The following NEDD4L variants were observed in gnomAD, a reference collection of about 807,000 sequenced individuals.
NEDD4L encodes NEDD4 like E3 ubiquitin protein ligase.
Under a neutral mutation model 148.9 loss-of-function variants are expected in NEDD4L, and 54 were observed. The ratio of observed to expected loss-of-function variants is 0.36; its 90% confidence interval spans 0.29 to 0.45. The LOEUF is 0.45. NEDD4L is among the 20% of genes least tolerant of loss of function. NEDD4L has a pLI of 1.00. For missense variants in NEDD4L, 856 were observed against 1,233.8 expected (o/e 0.69, Z 4.59); for synonymous variants, 433 against 440.7 (o/e 0.98, Z 0.22).
chr18:58,099,875 A>G (rs997052220), intron 1 of NEDD4L, among the ~76,000 whole-genome samples: 2 of 152,184 alleles, frequency 1.3e-5, no homozygotes, highest in Non-Finnish European at 2.9e-5. Flanking sequence ...AACCAGCCCC[A>G]AATAAGAGAG....
chr18:58,348,317 C>CTTTTT (rs1203938472), intron 16 of NEDD4L, among the ~76,000 whole-genome samples: 3 of 115,884 alleles, frequency 2.6e-5, no homozygotes, highest in African/African-American at 1.2e-4. Flanking sequence ...ATTTCTTTTT[C>CTTTTT]TTTTTTTTCT....
intron 24 of NEDD4L, among the ~76,000 whole-genome samples, chr18:58,376,488 G>T (rs912137763): frequency 2.0e-5 from 3 of 152,174 alleles, no homozygotes; most frequent in African/African-American, 7.2e-5. Flanking sequence ...GGAATTTAGA[G>T]CAAGTTAAAT....
chr18:58,149,027 G>C (rs1399653435), intron 1 of NEDD4L, among the ~76,000 whole-genome samples: 1 of 152,196 alleles, frequency 6.6e-6, no homozygotes, highest in African/African-American at 2.4e-5. Flanking sequence ...TGCAAATCCT[G>C]GGTTTTGGAG....
At chr18:58,109,367 A>C (rs188718061) in intron 1 of NEDD4L, among the ~76,000 whole-genome samples, 196 of 152,316 alleles carry the variant, frequency 1.3e-3, no homozygotes, top group African/African-American at 4.6e-3. Flanking sequence ...ATTTGAATTA[A>C]TCACCCAGAG....
chr18:58,209,823 T>G (rs2042418569), intron 2 of NEDD4L, among the ~76,000 whole-genome samples: 1 of 152,134 alleles, frequency 6.6e-6, no homozygotes, highest in Non-Finnish European at 1.5e-5. Context: ...TAAACTCTCA[T>G]TATCCTAACT....
intron 2 of NEDD4L, among the ~76,000 whole-genome samples, chr18:58,181,250 C>T (rs914132651): frequency 3.3e-5 from 5 of 151,978 alleles, no homozygotes; most frequent in African/African-American, 9.7e-5. Flanking sequence ...AAATAAAATG[C>T]CAGTCACTAA....
chr18:58,332,282 A>G (rs762896140), intron 11 of NEDD4L, among the ~76,000 whole-genome samples: 1 of 152,254 alleles, frequency 6.6e-6, no homozygotes, highest in Non-Finnish European at 1.5e-5. Flanking sequence ...ATTATTTCAC[A>G]TCGTGTTCAC....
chr18:58,250,615 A>C (rs923054384), intron 4 of NEDD4L, among the ~76,000 whole-genome samples: 3 of 152,140 alleles, frequency 2.0e-5, no homozygotes, highest in Admixed American at 1.3e-4. Flanking sequence ...CCAGAAGCAC[A>C]AGCTGAGCTC....
At chr18:58,371,203 ATTTTTTTTTTT>A (rs34960405) in intron 23 of NEDD4L, among the ~76,000 whole-genome samples, 2 of 92,988 alleles carry the variant, frequency 2.2e-5, no homozygotes, top group Admixed American at 1.2e-4. Flanking sequence ...TGCCTGGCTA[ATTTTTTTTTTT>A]TTTTTTTTTT....
chr18:58,183,972 A>G (rs548679368), intron 2 of NEDD4L, among the ~76,000 whole-genome samples: 28 of 152,324 alleles, frequency 1.8e-4, no homozygotes, highest in African/African-American at 6.3e-4. Flanking sequence ...GATCAAGGCC[A>G]TCCTGGCTAA....
At chr18:58,117,540 G>A (rs773690780) in intron 1 of NEDD4L, among the ~76,000 whole-genome samples, 6 of 152,186 alleles carry the variant, frequency 3.9e-5, no homozygotes, top group Admixed American at 3.9e-4. Context: ...CATCCTCATC[G>A]CTTCACAGTT....
chr18:58,121,576 C>CA (rs2029903049), intron 1 of NEDD4L, among the ~76,000 whole-genome samples: 1 of 152,028 alleles, frequency 6.6e-6, no homozygotes, highest in African/African-American at 2.4e-5. Flanking sequence ...GGCTAATTAA[C>CA]AAAAATTTTT....
At chr18:58,121,300 G>T (rs981149295) in intron 1 of NEDD4L, among the ~76,000 whole-genome samples, 3 of 152,080 alleles carry the variant, frequency 2.0e-5, no homozygotes, top group African/African-American at 7.2e-5. Flanking sequence ...TTGGGGGCCC[G>T]GTTTTCCTCA....
At chr18:58,142,612 C>G (rs1383737971) in intron 1 of NEDD4L, among the ~76,000 whole-genome samples, 1 of 152,208 alleles carries the variant, frequency 6.6e-6, no homozygotes, top group Non-Finnish European at 1.5e-5. Context: ...TTACCTTGCA[C>G]TCTGTTTTGT....
chr18:58,168,713 T>C (rs1044034098), intron 2 of NEDD4L, among the ~76,000 whole-genome samples: 6 of 152,208 alleles, frequency 3.9e-5, no homozygotes, highest in Non-Finnish European at 8.8e-5. Flanking sequence ...CGGGTAGGCA[T>C]TGGAGCCCTT....
intron 25 of NEDD4L, among the ~76,000 whole-genome samples, chr18:58,384,382 AC>A: frequency 6.6e-6 from 1 of 152,332 alleles, no homozygotes; most frequent in South Asian, 2.1e-4. Context: ...CTCGGTTCTT[AC>A]CTGGCCACAT....
At chr18:58,358,571 C>T (rs2045038271) in intron 19 of NEDD4L, among the ~76,000 whole-genome samples, 2 of 152,170 alleles carry the variant, frequency 1.3e-5, no homozygotes, top group South Asian at 4.1e-4. Flanking sequence ...CTTATTAAAT[C>T]TTACTGAAAA....
chr18:58,195,798 G>T, intron 2 of NEDD4L: 2 of 1,045,890 alleles, frequency 1.9e-6, no homozygotes, highest in Non-Finnish European at 2.7e-6. Flanking sequence ...TCAGGAGAAG[G>T]TTCTCTTACC....
rs2042612522 is a variant in NEDD4L at position 58,342,946 on chromosome 18, C to T, written c.1418C>T (p.Thr473Ile). Residue 473 changes from threonine (T) to isoleucine (I), a missense_variant, in exon 16 of 31, where the codon ACC (threonine) becomes ATC (isoleucine). This residue lies in a region of NEDD4L where 367 missense variants were observed against 422.7 expected (regional missense o/e 0.87). Coordinates refer to ENST00000400345, the MANE Select transcript of NEDD4L (RefSeq NM_001144967.3). Reference protein sequence around the residue: ...DSPVRRAVKDTLSNPQSPQPS... With the variant: ...DSPVRRAVKDILSNPQSPQPS... ...CCCGTACGTCGGGCTGTGAAAGACA[C>T]CCTTTCCAACCCACAGTCCCCACAG... 2 of 1,612,616 alleles carry T rather than the reference C, an allele frequency of 1.2e-6. No individual in the cohort carries two copies. The highest frequency in any genetic ancestry group is 1.7e-6 in the Non-Finnish European group (2 of 1,179,300).
Sources: allele counts gnomAD v4.1 joint callset (sites outside exome capture counted in the v4.1 genomes callset), GRCh38; gene constraint gnomAD v4.1.1; regional missense constraint gnomAD v4.1.1; transcripts MANE v1.5; gene names NCBI Gene and HGNC (gene_info 2026-07-23, HGNC 2026-07-21).